Variants in LINGO2 observed in about 807,000 individuals in gnomAD.
LINGO2 encodes the protein leucine rich repeat and Ig domain containing 2.
Under a neutral mutation model 30.6 loss-of-function variants are expected in LINGO2, and 14 were observed. The ratio of observed to expected loss-of-function variants is 0.46; its 90% confidence interval spans 0.30 to 0.72. The LOEUF (loss-of-function observed/expected upper bound fraction) is 0.72, where lower values mean the gene tolerates loss of function less well. Ranked by LOEUF, LINGO2 falls within the 30% of genes least tolerant of loss-of-function variation. The pLI is 0.07. For missense variants in LINGO2, 729 were observed against 751.7 expected (o/e 0.97, Z 0.35); for synonymous variants, 317 against 288.5 (o/e 1.10, Z -1.00).
the LINGO2 span, among the ~76,000 whole-genome samples, chr9:29,063,254 C>A: frequency 7.2e-5 from 11 of 152,186 alleles, no homozygotes; most frequent in African/African-American, 2.6e-4. Context: ...CAAAAGAGGG[C>A]AACAGCTGCA....
At chr9:28,522,059 T>C (rs920062358) in intron 1 of LINGO2, among the ~76,000 whole-genome samples, 2 of 152,204 alleles carry the variant, frequency 1.3e-5, no homozygotes, top group South Asian at 4.1e-4. Context: ...TTTTTTAAGT[T>C]GCCCAGTTCA....
At chr9:28,368,848 G>T (rs551138402) in intron 3 of LINGO2, among the ~76,000 whole-genome samples, 1 of 151,754 alleles carries the variant, frequency 6.6e-6, no homozygotes, top group Non-Finnish European at 1.5e-5. Context: ...CACCTGCCTC[G>T]GCCTCCCAAA....
chr9:27,949,193 G>T (rs771116741), exon 6 of LINGO2: 32 of 1,613,840 alleles, frequency 2.0e-5, no homozygotes, highest in Admixed American at 1.7e-4. Context: ...AGGCTGTGAA[G>T]GTATCATTCC....
At position 28,540,712 on chromosome 9, in the gene LINGO2, G is replaced by A. The variant is rs143917393; in HGVS notation, c.-364-64687C>T. ...GACTTAGATATAAAAATGTATAGGC[G>A]TGATCATCACTCCACCAAGTAAGTG... On this transcript the variant is annotated intron_variant, in intron 1 of 5. Transcript: ENST00000379992. 1.3e-4 allele frequency among the ~76,000 whole-genome samples: 20 copies of A among 152,256 alleles called. No individual in the cohort carries two copies. The East Asian group carries it at 3.3e-3, about 25-fold the overall frequency.
At chr9:29,208,533 T>C in the LINGO2 span, among the ~76,000 whole-genome samples, 5 of 152,202 alleles carry the variant, frequency 3.3e-5, no homozygotes, top group African/African-American at 1.2e-4. Context: ...GAGAAAATAT[T>C]CCTCTCATCA....
intron 5 of LINGO2, among the ~76,000 whole-genome samples, chr9:27,990,644 C>A (rs990593116): frequency 6.6e-6 from 1 of 151,634 alleles, no homozygotes; most frequent in Non-Finnish European, 1.5e-5. Context: ...GAAAAAATAC[C>A]CTTATTTCAC....
chr9:28,848,732 G>A, the LINGO2 span, among the ~76,000 whole-genome samples: 39 of 151,274 alleles, frequency 2.6e-4, no homozygotes, highest in Non-Finnish European at 5.3e-4. Context: ...ATTTGAACAG[G>A]GTGAAAAGAA....
the LINGO2 span, among the ~76,000 whole-genome samples, chr9:28,715,808 A>G: frequency 6.6e-6 from 1 of 152,098 alleles, no homozygotes; most frequent in African/African-American, 2.4e-5. Context: ...GAAGAAAGAA[A>G]GAAAAGAACT....
At chr9:28,945,112 T>C in the LINGO2 span, among the ~76,000 whole-genome samples, 2 of 152,150 alleles carry the variant, frequency 1.3e-5, no homozygotes, top group Non-Finnish European at 2.9e-5. Context: ...GAAGCAGCTG[T>C]ACCAGTTGCA....
intron 4 of LINGO2, among the ~76,000 whole-genome samples, chr9:28,180,596 C>T (rs575334566): frequency 6.6e-6 from 1 of 152,264 alleles, no homozygotes; most frequent in South Asian, 2.1e-4. Flanking sequence ...TTTATCCTCA[C>T]TCAGGGATGA....
chr9:28,674,444 T>G (rs1230495185), upstream of LINGO2, among the ~76,000 whole-genome samples: 4 of 152,180 alleles, frequency 2.6e-5, no homozygotes, highest in Non-Finnish European at 5.9e-5. Flanking sequence ...TTTGAATGTT[T>G]CTAGGTAGAA....
rs147200807 is a variant in LINGO2, at chr9:28,333,968, C to T, written c.-245-38602G>A. ...AAGAAAGGGAACCATGATACTGGGGCACAGTAACATTAGCAAAATTATCAA... is the reference window on the plus strand; with the variant it reads ...AAGAAAGGGAACCATGATACTGGGGTACAGTAACATTAGCAAAATTATCAA... On this transcript the variant is annotated intron_variant, in intron 3 of 5. Coordinates refer to ENST00000379992, the Ensembl canonical transcript of LINGO2. 1.3e-3 allele frequency among the ~76,000 whole-genome samples: 197 copies of T among 152,222 alleles called. 3 individuals carry two copies. Among genetic ancestry groups the T allele is most frequent in the African/African-American group, 4.4e-3 (184 of 41,546 alleles).
the LINGO2 span, among the ~76,000 whole-genome samples, chr9:28,676,985 G>C: frequency 1.3e-5 from 2 of 152,116 alleles, no homozygotes; most frequent in African/African-American, 4.8e-5. Flanking sequence ...GAAAACTACT[G>C]TGTCTTGTAC....
intron 5 of LINGO2, among the ~76,000 whole-genome samples, chr9:27,962,741 A>G (rs1416045573): frequency 1.3e-5 from 2 of 152,154 alleles, no homozygotes; most frequent in Non-Finnish European, 2.9e-5. Context: ...AAGTCTTACA[A>G]TCCAAAGCTT....
At chr9:28,465,162 G>A (rs952776103) in intron 2 of LINGO2, among the ~76,000 whole-genome samples, 1 of 152,178 alleles carries the variant, frequency 6.6e-6, no homozygotes, top group Admixed American at 6.5e-5. Flanking sequence ...GAGAGTCAGT[G>A]TGACAGCGTC....
chr9:28,572,509 C>A (rs186200299), intron 1 of LINGO2, among the ~76,000 whole-genome samples: 92 of 152,190 alleles, frequency 6.0e-4, no homozygotes, highest in Non-Finnish European at 1.0e-3. Context: ...TGAAGCATAA[C>A]AACAAGGCCG....
At chr9:28,568,781 T>C (rs550210604) in intron 1 of LINGO2, among the ~76,000 whole-genome samples, 2 of 152,144 alleles carry the variant, frequency 1.3e-5, no homozygotes, top group South Asian at 4.1e-4. Flanking sequence ...GATAAAAACT[T>C]ACCTAGATAA....
the LINGO2 span, among the ~76,000 whole-genome samples, chr9:29,147,616 A>C: frequency 1.3e-5 from 2 of 152,142 alleles, no homozygotes; most frequent in Non-Finnish European, 2.9e-5. Context: ...GATAGGAATC[A>C]GTAATTATCT....
intron 1 of LINGO2, among the ~76,000 whole-genome samples, chr9:28,518,628 CG>C (rs1820717848): frequency 6.6e-6 from 1 of 152,154 alleles, no homozygotes. Flanking sequence ...TCTGCACAGA[CG>C]GGCCTTATTA....
Sources: gnomAD v4.1 joint callset for allele counts (sites outside exome capture counted in the v4.1 genomes callset) on GRCh38, gnomAD v4.1.1 for gene constraint, MANE v1.5 for transcripts, NCBI Gene and HGNC (gene_info 2026-07-23, HGNC 2026-07-21) for gene names.